KDM6A: variants seen among roughly 807,000 people sequenced by gnomAD.
The protein encoded by KDM6A is lysine demethylase 6A.
In KDM6A, 11 loss-of-function variants were observed where a neutral mutation model predicts 117.6. The observed-to-expected ratio is 0.09, with a 90% CI of 0.06 to 0.15. The LOEUF is 0.15. Ranked by LOEUF, KDM6A falls within the 10% of genes least tolerant of loss-of-function variation. The pLI, the probability that KDM6A is intolerant of heterozygous loss-of-function variation, is 1.00. For missense variants in KDM6A, 799 were observed against 1,077.3 expected, an observed-to-expected ratio of 0.74 and a Z score of 3.62; for synonymous variants, 384 against 396.1, an observed-to-expected ratio of 0.97 and a Z score of 0.36.
chrX:45,091,125 C>G (rs982043102), intron 27 of KDM6A, among the ~76,000 whole-genome samples: 2 of 111,215 alleles, frequency 1.8e-5, no homozygotes, highest in African/African-American at 6.5e-5. Context: ...CTCTGAACCA[C>G]CTGATATCCC....
chrX:45,109,301 AAGT>A (rs1383561773), intron 28 of KDM6A, among the ~76,000 whole-genome samples: 1 of 111,246 alleles, frequency 9.0e-6, no homozygotes, highest in Non-Finnish European at 1.9e-5. Context: ...TAAATGGCAG[AAGT>A]GGAAGGACAA....
intron 17 of KDM6A, among the ~76,000 whole-genome samples, chrX:45,068,160 T>C (rs918023935): frequency 1.8e-5 from 2 of 111,828 alleles, no homozygotes; most frequent in Non-Finnish European, 3.8e-5. Context: ...GACAAAATGC[T>C]CTAACCTTGT....
chrX:44,949,487 T>TAAA (rs1556001824), intron 2 of KDM6A, among the ~76,000 whole-genome samples: 2 of 111,088 alleles, frequency 1.8e-5, no homozygotes, highest in African/African-American at 3.3e-5. Context: ...TTTTTTTTTT[T>TAAA]TAAAGCACTT....
intron 2 of KDM6A, among the ~76,000 whole-genome samples, chrX:44,881,368 G>A (rs961834481): frequency 8.9e-5 from 10 of 111,770 alleles, no homozygotes; most frequent in Admixed American, 4.7e-4. Flanking sequence ...AGGAGATGGA[G>A]ATTGCAGTGA....
At chrX:45,109,508 AC>A (rs1226883650) in intron 28 of KDM6A, among the ~76,000 whole-genome samples, 2 of 111,933 alleles carry the variant, frequency 1.8e-5, no homozygotes, top group Non-Finnish European at 3.8e-5. Context: ...TCCATTTCAA[AC>A]CTTGAAATTC....
At chrX:44,930,284 T>A (rs1288737203) in intron 2 of KDM6A, among the ~76,000 whole-genome samples, 1 of 112,159 alleles carries the variant, frequency 8.9e-6, no homozygotes, top group Admixed American at 9.5e-5. Flanking sequence ...GTATAATTTT[T>A]AAATTTTGAT....
At chrX:45,016,214 T>C (rs2041952424) in intron 5 of KDM6A, among the ~76,000 whole-genome samples, 1 of 111,481 alleles carries the variant, frequency 9.0e-6, no homozygotes, top group African/African-American at 3.3e-5. Context: ...AAATCTTACC[T>C]ACCTGTCCCT....
chrX:45,109,126 A>T (rs779707835), intron 28 of KDM6A, among the ~76,000 whole-genome samples: 90 of 104,142 alleles, frequency 8.6e-4, no homozygotes, highest in African/African-American at 2.9e-3. Flanking sequence ...TAATTTAAAA[A>T]AATAATAATA....
chrX:45,001,239 GA>G (rs1380683439), intron 4 of KDM6A, among the ~76,000 whole-genome samples: 1 of 111,739 alleles, frequency 8.9e-6, no homozygotes, highest in African/African-American at 3.3e-5. Flanking sequence ...AACTGGCTTA[GA>G]AAAGGGGAAG....
At chrX:44,941,605 C>T (rs1187144459) in intron 2 of KDM6A, among the ~76,000 whole-genome samples, 1 of 108,627 alleles carries the variant, frequency 9.2e-6, no homozygotes, top group East Asian at 2.9e-4. Context: ...CCCAGCCTCC[C>T]GAGTAGCTGG....
intron 8 of KDM6A, among the ~76,000 whole-genome samples, chrX:45,040,294 G>A (rs1268895519): frequency 1.0e-4 from 10 of 98,025 alleles, no homozygotes; most frequent in African/African-American, 3.4e-4. Flanking sequence ...CCTCCCTCCC[G>A]GACGGGGCGG....
chrX:44,880,277 C>A (rs1334390943), intron 2 of KDM6A, among the ~76,000 whole-genome samples: 3 of 109,123 alleles, frequency 2.7e-5, no homozygotes, highest in Non-Finnish European at 5.7e-5. Flanking sequence ...TAATATTTAC[C>A]TTGTTATGAG....
intron 2 of KDM6A, among the ~76,000 whole-genome samples, chrX:44,903,542 T>C (rs1381566616): frequency 6.3e-5 from 7 of 111,499 alleles, no homozygotes; most frequent in African/African-American, 1.6e-4. Flanking sequence ...CCCCTCTCCT[T>C]CTTCTGTGAC....
At chrX:44,893,059 C>T (rs1309310961) in intron 2 of KDM6A, among the ~76,000 whole-genome samples, 1 of 106,512 alleles carries the variant, frequency 9.4e-6, no homozygotes, top group Non-Finnish European at 1.9e-5. Context: ...CTGTAAGTCC[C>T]AGCTACTTGG....
chrX:44,965,573 G>A (rs776460282), intron 3 of KDM6A, among the ~76,000 whole-genome samples: 39 of 111,835 alleles, frequency 3.5e-4, no homozygotes, highest in Non-Finnish European at 5.4e-4. Context: ...AGAGAGACTA[G>A]GGAATGGCCT....
chrX:44,889,205 G>C, intron 2 of KDM6A, among the ~76,000 whole-genome samples: 1 of 111,366 alleles, frequency 9.0e-6, no homozygotes, highest in Non-Finnish European at 1.9e-5. Flanking sequence ...AGTAGAGACA[G>C]GGTTTCGCCA....
At chrX:44,916,737 C>G (rs1056853297) in intron 2 of KDM6A, among the ~76,000 whole-genome samples, 2 of 110,238 alleles carry the variant, frequency 1.8e-5, no homozygotes, top group African/African-American at 6.6e-5. Context: ...GCTCGACCTC[C>G]TAGGCTCAAG....
chrX:45,047,086 T>C (rs767603397), intron 8 of KDM6A, among the ~76,000 whole-genome samples: 87 of 111,572 alleles, frequency 7.8e-4, no homozygotes, highest in Non-Finnish European at 1.3e-3. Context: ...TCCTGTTGTA[T>C]TCTTTGTATT....
At chrX:45,045,362 G>A (rs769522551) in intron 8 of KDM6A, among the ~76,000 whole-genome samples, 49 of 110,194 alleles carry the variant, frequency 4.4e-4, no homozygotes, top group African/African-American at 1.6e-3. Flanking sequence ...CTGAGGGATG[G>A]ATCATTTGAG....
Sources: gnomAD v4.1 joint callset for allele counts (sites outside exome capture counted in the v4.1 genomes callset) on GRCh38, gnomAD v4.1.1 for gene constraint, MANE v1.5 for transcripts, NCBI Gene and HGNC (gene_info 2026-07-23, HGNC 2026-07-21) for gene names.